CCDC171: variants seen among roughly 807,000 people sequenced by gnomAD.
CCDC171 encodes coiled-coil domain containing 171.
In CCDC171, 177 loss-of-function variants were observed where a neutral mutation model predicts 168.2. The observed-to-expected ratio is 1.05, with a 90% CI of 0.93 to 1.19. The LOEUF is 1.19. Among genes scored for constraint, CCDC171 ranks in the 50% most tolerant of loss-of-function variants. The pLI, the probability that CCDC171 is intolerant of heterozygous loss-of-function variation, is 0.00. For synonymous variants in CCDC171, 687 were observed against 540.8 expected (o/e 1.27, Z -3.75); for missense variants, 1,991 against 1,539.0 (o/e 1.29, Z -4.91).
chr9:16,102,906 C>T, the CCDC171 span, among the ~76,000 whole-genome samples: 1 of 152,178 alleles, frequency 6.6e-6, no homozygotes, highest in Admixed American at 6.5e-5. Flanking sequence ...CACTTCCCTC[C>T]CCAGTCCATA....
At chr9:15,905,458 T>C (rs10810468) in intron 24 of CCDC171, among the ~76,000 whole-genome samples, 130,038 of 151,952 alleles carry the variant, frequency 0.86, 55,719 homozygotes, top group East Asian at 0.96. Flanking sequence ...GAAATAAAGA[T>C]GTTCTTTGAA....
In CCDC171 at chr9:15,777,724, A is replaced by G. The variant is rs368614610; in HGVS notation, c.2796A>G (p.Thr932=). The change falls in exon 19 of 26, where the codon ACA becomes ACG. Residue 932 remains threonine, a synonymous_variant. Transcript: ENST00000380701. ...CIPLHSSRSI[T]YVEKDSLVQR... is the part of the protein sequence containing the mutation. Reference sequence around the variant, plus strand: ...CTCTGCACAGTAGCAGGAGTATTACATATGTAGAAAAAGATTCCCTGGTTC... The same window carrying G: ...CTCTGCACAGTAGCAGGAGTATTACGTATGTAGAAAAAGATTCCCTGGTTC... 9.9e-6 allele frequency: 16 copies of G among 1,613,828 alleles called. No individual in the cohort carries two copies. The highest frequency in any genetic ancestry group is 4.0e-5 in the African/African-American group (3 of 74,926).
chr9:15,924,933 C>T (rs1825732959), intron 25 of CCDC171, among the ~76,000 whole-genome samples: 2 of 151,384 alleles, frequency 1.3e-5, no homozygotes, highest in Admixed American at 1.3e-4. Context: ...TCTACTTTTC[C>T]TTTGTTGACT....
Position 15,848,942 on chromosome 9 carries a change from C to T in CCDC171, c.3463C>T (p.His1155Tyr), listed in dbSNP as rs780105163. ...NHMRAVENTLHKVRDQISLSW... is the reference protein window; with the variant it reads ...NHMRAVENTLYKVRDQISLSW... Reference sequence around the variant, plus strand: ...CATGAGAGCAGTAGAAAATACGCTTCACAAGGTACTGTTATTTTTCTTTAA... The same window carrying T: ...CATGAGAGCAGTAGAAAATACGCTTTACAAGGTACTGTTATTTTTCTTTAA... Residue 1155 changes from histidine (H) to tyrosine (Y), a missense_variant, in exon 23 of 26, where the codon CAC becomes TAC. By Grantham distance (83) the His-to-Tyr change is moderately conservative. Coordinates refer to ENST00000380701, the MANE Select transcript of CCDC171 (RefSeq NM_173550.4). The T allele has an allele frequency of 3.9e-5, 60 of 1,529,994 alleles. No homozygotes were observed. The highest frequency in any genetic ancestry group is 1.7e-4 in the Middle Eastern group (1 of 5,878). 94.8% of individuals were successfully genotyped at this position (1,529,994 alleles called of 1,614,324 possible).
chr9:15,661,116 T>G (rs754062555), intron 8 of CCDC171, among the ~76,000 whole-genome samples: 1 of 152,000 alleles, frequency 6.6e-6, no homozygotes, highest in African/African-American at 2.4e-5. Flanking sequence ...CCATCCCTAC[T>G]AAAAATACAA....
chr9:15,600,470 T>C (rs1049904836), intron 6 of CCDC171, among the ~76,000 whole-genome samples: 2 of 152,174 alleles, frequency 1.3e-5, no homozygotes, highest in Non-Finnish European at 2.9e-5. Context: ...GAACAGCCAA[T>C]GTTGCTGCCT....
the CCDC171 span, among the ~76,000 whole-genome samples, chr9:16,097,593 A>G: frequency 1.3e-5 from 2 of 152,180 alleles, no homozygotes; most frequent in Admixed American, 1.3e-4. Context: ...TTCAATGAGC[A>G]AGCATACTAT....
chr9:15,927,800 A>T (rs1219312426), intron 25 of CCDC171, among the ~76,000 whole-genome samples: 2 of 151,676 alleles, frequency 1.3e-5, no homozygotes, highest in Non-Finnish European at 2.9e-5. Context: ...TACTTTACGG[A>T]TAGCAGAGGG....
At chr9:15,652,581 C>T (rs918865139) in intron 7 of CCDC171, among the ~76,000 whole-genome samples, 3 of 152,056 alleles carry the variant, frequency 2.0e-5, no homozygotes, top group East Asian at 3.9e-4. Context: ...CAGGTGGCCA[C>T]CACCACACTT....
the CCDC171 span, among the ~76,000 whole-genome samples, chr9:16,103,107 G>C: frequency 6.6e-6 from 1 of 152,214 alleles, no homozygotes; most frequent in Admixed American, 6.5e-5. Context: ...GGTCTTGGCA[G>C]GTCCATCGGC....
At chr9:15,999,506 A>C (rs908649805) in intron 3 of CCDC171, among the ~76,000 whole-genome samples, 1 of 152,174 alleles carries the variant, frequency 6.6e-6, no homozygotes, top group Non-Finnish European at 1.5e-5. Context: ...AAGCACCCGC[A>C]CGCAGCTCGG....
Position 15,744,756 on chromosome 9 carries a change from C to A in CCDC171, c.2533C>A (p.Gln845Lys), listed in dbSNP as rs774813825. 1 of 1,607,120 alleles carries A rather than the reference C, an allele frequency of 6.2e-7. No individual in the cohort carries two copies. Among genetic ancestry groups the A allele is most frequent in the South Asian group, 1.1e-5 (1 of 89,632 alleles). The stretch of plus-strand genomic sequence containing the variant: ...CATGTTAGTGTGCACAGGAGAGCCC[C>A]AAGACAAGCATAAATTTCCAAGTAA... ...IGMLVCTGEP[Q>K]DKHKFPKHQK... The change falls in exon 17 of 26, where the codon CAA becomes AAA. Residue 845 changes from glutamine to lysine, a missense_variant. By Grantham distance (53) the Gln-to-Lys change is moderately conservative. Coordinates refer to ENST00000380701, the MANE Select transcript of CCDC171 (RefSeq NM_173550.4).
At chr9:15,562,056 G>T (rs2039344452) in intron 1 of CCDC171, among the ~76,000 whole-genome samples, 1 of 151,712 alleles carries the variant, frequency 6.6e-6, no homozygotes, top group Admixed American at 6.6e-5. Context: ...GTGCAGTGGC[G>T]CAATCTTGGC....
chr9:15,721,742 A>G (rs2053493938), intron 11 of CCDC171, 27 bp from the exon 12 acceptor site: 23 of 1,354,518 alleles, frequency 1.7e-5, no homozygotes, highest in Non-Finnish European at 2.1e-5. Flanking sequence ...CTTTAAGGGT[A>G]TATTTTCATC....
At chr9:15,682,221 G>C (rs534735615) in intron 10 of CCDC171, among the ~76,000 whole-genome samples, 26 of 152,040 alleles carry the variant, frequency 1.7e-4, no homozygotes, top group Non-Finnish European at 2.9e-4. Context: ...TGTTAGTACA[G>C]CATAGCCTTA....
intron 21 of CCDC171, among the ~76,000 whole-genome samples, chr9:15,793,133 A>G (rs2058357616): frequency 6.6e-6 from 1 of 152,222 alleles, no homozygotes; most frequent in South Asian, 2.1e-4. Context: ...AGGAAGATCT[A>G]CCAAGCAAAT....
chr9:15,651,674 A>T (rs1347092436), intron 7 of CCDC171, among the ~76,000 whole-genome samples: 1 of 152,110 alleles, frequency 6.6e-6, no homozygotes, highest in Non-Finnish European at 1.5e-5. Context: ...GCTGCAAATG[A>T]CAGCATTTCA....
At chr9:15,835,809 A>G (rs1254393006) in intron 21 of CCDC171, among the ~76,000 whole-genome samples, 1 of 152,162 alleles carries the variant, frequency 6.6e-6, no homozygotes, top group Non-Finnish European at 1.5e-5. Context: ...AAGTGTTGTC[A>G]TTACTATTTT....
chr9:15,779,582 AC>A, intron 20 of CCDC171, among the ~76,000 whole-genome samples: 1 of 151,744 alleles, frequency 6.6e-6, no homozygotes, highest in African/African-American at 2.4e-5. Flanking sequence ...GTGTTCTCGA[AC>A]TCCTGACCTC....
Sources: allele counts gnomAD v4.1 joint callset (sites outside exome capture counted in the v4.1 genomes callset), GRCh38; gene constraint gnomAD v4.1.1; transcripts MANE v1.5; gene names NCBI Gene and HGNC (gene_info 2026-07-23, HGNC 2026-07-21).